The following TACR1 variants were observed in gnomAD, a reference collection of about 807,000 sequenced individuals.
TACR1 encodes substance-P receptor.
A neutral mutation model predicts 35.8 loss-of-function variants in TACR1; 25 were observed. The observed-to-expected ratio is 0.70, with a 90% CI of 0.51 to 0.98. The LOEUF is 0.98. TACR1 is among the 50% of genes least tolerant of loss of function. TACR1 has a pLI of 0.00. For synonymous variants in TACR1, 195 were observed against 206.7 expected (o/e 0.94, Z 0.48); for missense variants, 478 against 522.9 (o/e 0.91, Z 0.84).
intron 3 of TACR1, 111 bp downstream of exon 3, chr2:75,053,494 A>C (rs1672509648): frequency 1.5e-6 from 2 of 1,299,734 alleles, no homozygotes; most frequent in Non-Finnish European, 2.0e-6. Flanking sequence ...TGCTCCCCAT[A>C]CCTGGGGATA....
At chr2:75,052,199 A>G (rs1430939226) in intron 3 of TACR1, among the ~76,000 whole-genome samples, 2 of 152,208 alleles carry the variant, frequency 1.3e-5, no homozygotes, top group African/African-American at 4.8e-5. Context: ...TTCAGGTCAC[A>G]GCCCTCATCA....
chr2:75,066,572 G>A lies in TACR1; in HGVS notation c.585-12817C>T, dbSNP rs1672765575. Among the ~76,000 whole-genome samples, 3 of 152,170 alleles carry A rather than the reference G, an allele frequency of 2.0e-5. No homozygotes were observed. The South Asian group carries it at 6.2e-4, about 32-fold the overall frequency. On this transcript the variant is annotated intron_variant, in intron 2 of 4. Coordinates refer to ENST00000305249, the MANE Select transcript of TACR1 (RefSeq NM_001058.4). ...GTGACTGGAATGCGGCCAAGTCTTC[G>A]ATTCCATTTCATGTTTGGATTCATT...
chr2:75,131,400 A>G (rs1006490552), intron 1 of TACR1, among the ~76,000 whole-genome samples: 1 of 152,170 alleles, frequency 6.6e-6, no homozygotes, highest in African/African-American at 2.4e-5. Flanking sequence ...TAATGAGCCA[A>G]TTCTTTAAAA....
Position 75,092,407 on chromosome 2 carries a change from C to T in TACR1, c.584+28167G>A, listed in dbSNP as rs1353641435. ...GTTAATAGGACTTACTCTCTTTGGG[C>T]AGTCTTTGGGGTTAAAAAAAAAGAT... On this transcript the variant is annotated intron_variant, in intron 2 of 4. Transcript: ENST00000305249. Among the ~76,000 whole-genome samples, 4 of 152,032 alleles carry T rather than the reference C, an allele frequency of 2.6e-5. No homozygotes were observed. The South Asian group carries it at 8.3e-4, about 32-fold the overall frequency.
intron 2 of TACR1, among the ~76,000 whole-genome samples, chr2:75,095,110 T>A (rs1411679659): frequency 6.6e-6 from 1 of 152,008 alleles, no homozygotes; most frequent in East Asian, 1.9e-4. Flanking sequence ...GGTTCTTCCA[T>A]AGGGTCTGTT....
chr2:75,053,652 C>T lies in TACR1; in HGVS notation c.688G>A (p.Gly230Arg), dbSNP rs1011770323. Residue 230 changes from glycine to arginine, a missense_variant, in exon 3 of 5, where the codon GGG (glycine) becomes AGG (arginine). Coordinates refer to ENST00000305249, the MANE Select transcript of TACR1 (RefSeq NM_001058.4). ...TCGTGGTAGCGGTCAGAGGAGTCCC[C>T]GGGGATCTCACTGGCCCATAGTGTG... ...GITLWASEIP[G>R]DSSDRYHEQV... The T allele has an allele frequency of 8.7e-6, 14 of 1,601,900 alleles. No homozygotes were observed. Among genetic ancestry groups the T allele is most frequent in the Non-Finnish European group, 1.2e-5 (14 of 1,173,704 alleles).
chr2:75,170,147 CT>C (rs1437382497), intron 1 of TACR1, among the ~76,000 whole-genome samples: 1 of 152,120 alleles, frequency 6.6e-6, no homozygotes, highest in African/African-American at 2.4e-5. Flanking sequence ...TGAATTGTAG[CT>C]TTCATAATTG....
chr2:75,174,927 C>T (rs1005489324), intron 1 of TACR1, among the ~76,000 whole-genome samples: 1 of 152,298 alleles, frequency 6.6e-6, no homozygotes. Context: ...AGGGGCTGAA[C>T]ACAGGCTTTT....
intron 1 of TACR1, among the ~76,000 whole-genome samples, chr2:75,146,460 G>C (rs1674516238): frequency 1.3e-5 from 2 of 152,160 alleles, no homozygotes; most frequent in South Asian, 4.1e-4. Flanking sequence ...AGCCTCAAAA[G>C]GTAGGGAGTA....
At chr2:75,105,070 C>G (rs1165660240) in intron 2 of TACR1, among the ~76,000 whole-genome samples, 2 of 151,982 alleles carry the variant, frequency 1.3e-5, no homozygotes, top group Non-Finnish European at 2.9e-5. Flanking sequence ...AGTATGTTGA[C>G]AAGATATTTG....
At chr2:75,128,563 T>C (rs536957258) in intron 1 of TACR1, among the ~76,000 whole-genome samples, 1 of 152,262 alleles carries the variant, frequency 6.6e-6, no homozygotes, top group South Asian at 2.1e-4. Context: ...AGCTAATCGC[T>C]GGGATCCTGC....
intron 2 of TACR1, among the ~76,000 whole-genome samples, chr2:75,091,894 A>G (rs1305355398): frequency 1.3e-5 from 2 of 152,146 alleles, no homozygotes; most frequent in Non-Finnish European, 2.9e-5. Context: ...CCCCTCACTA[A>G]TGTACGGCTG....
chr2:75,129,052 T>C (rs1674132049), intron 1 of TACR1, among the ~76,000 whole-genome samples: 1 of 152,084 alleles, frequency 6.6e-6, no homozygotes, highest in African/African-American at 2.4e-5. Flanking sequence ...GAGGTGATAA[T>C]AGGACCACAT....
At chr2:75,100,657 G>A (rs1191991197) in intron 2 of TACR1, among the ~76,000 whole-genome samples, 5 of 152,202 alleles carry the variant, frequency 3.3e-5, no homozygotes, top group African/African-American at 4.8e-5. Context: ...TTAAGGTGAC[G>A]AGTGTGATAG....
intron 2 of TACR1, among the ~76,000 whole-genome samples, chr2:75,108,355 T>G (rs779116384): frequency 7.9e-5 from 12 of 152,294 alleles, no homozygotes; most frequent in Non-Finnish European, 1.3e-4. Flanking sequence ...AGAATTAAAA[T>G]GATTTGCATA....
intron 1 of TACR1, among the ~76,000 whole-genome samples, chr2:75,157,514 C>T (rs1674892312): frequency 6.6e-6 from 1 of 152,192 alleles, no homozygotes; most frequent in Admixed American, 6.5e-5. Context: ...GTTCCTCCAC[C>T]TGTTCACAAA....
intron 2 of TACR1, among the ~76,000 whole-genome samples, chr2:75,056,769 G>C (rs574179610): frequency 6.6e-6 from 1 of 152,204 alleles, no homozygotes; most frequent in South Asian, 2.1e-4. Flanking sequence ...AGAAGCAAAA[G>C]TTATTGTTAT....
At chr2:75,186,568 A>C (rs1394192891) in intron 1 of TACR1, among the ~76,000 whole-genome samples, 1 of 151,896 alleles carries the variant, frequency 6.6e-6, no homozygotes, top group Admixed American at 6.6e-5. Flanking sequence ...ACTATATTAA[A>C]CTAAATTTAA....
intron 1 of TACR1, among the ~76,000 whole-genome samples, chr2:75,142,910 A>C (rs1674438257): frequency 6.6e-6 from 1 of 152,238 alleles, no homozygotes. Context: ...TGAAACAATC[A>C]TGATAGTTGT....
Sources: allele counts gnomAD v4.1 joint callset (sites outside exome capture counted in the v4.1 genomes callset), GRCh38; gene constraint gnomAD v4.1.1; transcripts MANE v1.5; gene names NCBI Gene and HGNC (gene_info 2026-07-23, HGNC 2026-07-21).